DRD2: variants seen among roughly 807,000 people sequenced by gnomAD.
DRD2 encodes the protein D(2) dopamine receptor.
DRD2 carries 8 observed loss-of-function variants against 38.0 expected under a neutral mutation model. The observed-to-expected ratio is 0.21, with a 90% CI of 0.12 to 0.38. The LOEUF (loss-of-function observed/expected upper bound fraction) is 0.38, where lower values mean the gene tolerates loss of function less well. Among genes scored for constraint, DRD2 ranks in the 10% least tolerant of loss-of-function variants. The pLI is 1.00. For missense variants in DRD2, 403 were observed against 607.7 expected (o/e 0.66, Z 3.54); for synonymous variants, 230 against 238.6 (o/e 0.96, Z 0.33).
chr11:113,453,442 T>C (rs1455240984), intron 1 of DRD2, among the ~76,000 whole-genome samples: 1 of 152,224 alleles, frequency 6.6e-6, no homozygotes, highest in Non-Finnish European at 1.5e-5. Flanking sequence ...TGAGAAAGCT[T>C]TGAAGTAGTA....
intron 1 of DRD2, among the ~76,000 whole-genome samples, chr11:113,450,489 G>T (rs55697087): frequency 6.6e-6 from 1 of 151,952 alleles, no homozygotes; most frequent in Non-Finnish European, 1.5e-5. Context: ...TGCCTCAAAG[G>T]CTCCTCTCCC....
chr11:113,415,966 C>G (rs1461440614), intron 4 of DRD2, among the ~76,000 whole-genome samples: 1 of 152,130 alleles, frequency 6.6e-6, no homozygotes, highest in Non-Finnish European at 1.5e-5. Flanking sequence ...AAGAGTAAAC[C>G]ATCTTTTTAG....
Position 113,410,589 on chromosome 11 carries a change from A to G in DRD2, c.*138T>C. 1 of 1,095,870 alleles carries G rather than the reference A, an allele frequency of 9.1e-7. No homozygotes were observed. Among genetic ancestry groups the G allele is most frequent in the Non-Finnish European group, 1.4e-6 (1 of 720,716 alleles). The allele number at this position is 1,095,870 out of a possible 1,614,324, so 67.9% of individuals were successfully genotyped here. A position where few individuals can be genotyped will look rare whatever the true frequency, so the allele number is the denominator to read the frequency against. On this transcript the variant is annotated 3_prime_UTR_variant, in exon 8 of 8. Coordinates refer to ENST00000362072, the MANE Select transcript of DRD2 (RefSeq NM_000795.4). The stretch of plus-strand genomic sequence containing the variant: ...GCGGGCAGTGAGGAGCATGGAGCCA[A>G]GCGAACACTGCAGGGCCTGCCGGGG...
chr11:113,418,040 T>C lies in DRD2; in HGVS notation c.382A>G (p.Ile128Val), dbSNP rs372879445. ...CTASILNLCAISIDRYTAVAM... is the reference protein window; with the variant it reads ...CTASILNLCAVSIDRYTAVAM... Reference sequence around the variant, plus strand: ...GGCTGGGCTCACCTGTCGATGCTGATGGCACACAAGTTCAGGATGCTCGCC... The same window carrying C: ...GGCTGGGCTCACCTGTCGATGCTGACGGCACACAAGTTCAGGATGCTCGCC... Residue 128 changes from isoleucine to valine, a missense_variant, in exon 3 of 8, where the codon ATC becomes GTC. Around this residue, in one of 4 missense-constraint regions of DRD2, gnomAD observed 162 missense variants for 254.5 expected, o/e 0.64. Coordinates refer to ENST00000362072, the MANE Select transcript of DRD2 (RefSeq NM_000795.4). 4 of 1,614,088 alleles carry C rather than the reference T, an allele frequency of 2.5e-6. No homozygotes were observed. In the African/African-American group the frequency reaches 5.3e-5, roughly 22 times the overall value.
intron 1 of DRD2, among the ~76,000 whole-genome samples, chr11:113,450,724 A>C (rs1314232768): frequency 6.6e-6 from 1 of 152,228 alleles, no homozygotes; most frequent in African/African-American, 2.4e-5. Flanking sequence ...GCCCCTGATT[A>C]ATTCCCAGAT....
chr11:113,468,267 A>G (rs1951388806), intron 1 of DRD2, among the ~76,000 whole-genome samples: 1 of 152,210 alleles, frequency 6.6e-6, no homozygotes, highest in South Asian at 2.1e-4. Flanking sequence ...CTGGAAGTCT[A>G]ATTCCAGAGC....
At chr11:113,449,686 G>A (rs1951191276) in intron 1 of DRD2, among the ~76,000 whole-genome samples, 2 of 152,232 alleles carry the variant, frequency 1.3e-5, no homozygotes, top group South Asian at 2.1e-4. Flanking sequence ...AGGACTGTTA[G>A]CCAGTTAAGC....
rs563798208 is a variant in DRD2 at position 113,413,266 on chromosome 11, T to C, written c.811-383A>G. On this transcript the variant is annotated intron_variant, in intron 6 of 7. Transcript: ENST00000362072. ...TGCCTCCAGAAACTCATGTTCCGAC[T>C]GCAAAGAGGGTGCCCACCCCTGTTC... is the stretch of plus-strand genomic sequence containing the variant. 4.9e-4 allele frequency: 279 copies of C among 574,802 alleles called. 5 individuals are homozygous for C. Among genetic ancestry groups the C allele is most frequent in the South Asian group, 3.7e-3 (264 of 71,848 alleles). The allele number at this position is 574,802 out of a possible 1,614,324, so 35.6% of individuals were successfully genotyped here. A position where few individuals can be genotyped will look rare whatever the true frequency, so the allele number is the denominator to read the frequency against.
At chr11:113,420,091 C>A (rs112658652) in intron 2 of DRD2, among the ~76,000 whole-genome samples, 146 of 152,280 alleles carry the variant, frequency 9.6e-4, no homozygotes, top group African/African-American at 3.2e-3. Flanking sequence ...GGCAGAAAAC[C>A]AGCACTACCT....
intron 1 of DRD2, among the ~76,000 whole-genome samples, chr11:113,432,610 T>C (rs967956663): frequency 3.3e-5 from 5 of 152,124 alleles, no homozygotes; most frequent in Non-Finnish European, 7.4e-5. Context: ...AGCATTTCAA[T>C]GAAAAAGTAG....
intron 2 of DRD2, among the ~76,000 whole-genome samples, chr11:113,422,260 CATCTTT>C (rs1263327674): frequency 6.6e-6 from 1 of 152,258 alleles, no homozygotes; most frequent in Non-Finnish European, 1.5e-5. Flanking sequence ...TTGTCATCTT[CATCTTT>C]ATCATCATCG....
At chr11:113,442,213 T>C (rs1951101933) in intron 1 of DRD2, among the ~76,000 whole-genome samples, 1 of 152,230 alleles carries the variant, frequency 6.6e-6, no homozygotes, top group Non-Finnish European at 1.5e-5. Context: ...CCAGTCATTA[T>C]GTCCAGTTCC....
intron 1 of DRD2, among the ~76,000 whole-genome samples, chr11:113,438,333 G>A (rs1296631126): frequency 6.6e-6 from 1 of 152,114 alleles, no homozygotes; most frequent in Non-Finnish European, 1.5e-5. Context: ...CTCCTCATGG[G>A]AGTGGTTGCA....
intron 1 of DRD2, among the ~76,000 whole-genome samples, chr11:113,462,878 G>C (rs1189738227): frequency 1.3e-5 from 2 of 152,194 alleles, no homozygotes; most frequent in African/African-American, 2.4e-5. Context: ...GCATGTGCTA[G>C]ATGGAACACC....
chr11:113,432,905 T>C (rs1393236233), intron 1 of DRD2, among the ~76,000 whole-genome samples: 1 of 152,226 alleles, frequency 6.6e-6, no homozygotes, highest in Non-Finnish European at 1.5e-5. Context: ...AGAGAGTTAC[T>C]GAATAACACT....
chr11:113,460,327 GCAGGA>G (rs1412389829), intron 1 of DRD2, among the ~76,000 whole-genome samples: 1 of 152,234 alleles, frequency 6.6e-6, no homozygotes, highest in Non-Finnish European at 1.5e-5. Context: ...CAGGGACTGG[GCAGGA>G]CAGGGAGGGA....
At chr11:113,443,158 C>T (rs1355037857) in intron 1 of DRD2, among the ~76,000 whole-genome samples, 1 of 152,188 alleles carries the variant, frequency 6.6e-6, no homozygotes, top group Non-Finnish European at 1.5e-5. Context: ...GATGATGAGG[C>T]TCAGTGGTCT....
Position 113,463,062 on chromosome 11 carries a change from G to A in DRD2, c.-32+12014C>T, listed in dbSNP as rs35145680. Among the ~76,000 whole-genome samples, 761 of 152,308 alleles carry A rather than the reference G, an allele frequency of 5.0e-3. 4 individuals are homozygous for A. The highest frequency in any genetic ancestry group is 8.5e-3 in the Non-Finnish European group (577 of 68,030). On this transcript the variant is annotated intron_variant, in intron 1 of 7. Transcript: ENST00000362072. The stretch of plus-strand genomic sequence containing the variant: ...CGCTGAGCACTGACTTGCCTAATCT[G>A]CTTCCCTGTGAGAAAACGGGAATGT...
chr11:113,463,332 C>T (rs1951339961), intron 1 of DRD2, among the ~76,000 whole-genome samples: 1 of 152,126 alleles, frequency 6.6e-6, no homozygotes, highest in African/African-American at 2.4e-5. Flanking sequence ...TGGTGCACAC[C>T]ATCTGTGGCC....
Sources: allele counts gnomAD v4.1 joint callset (sites outside exome capture counted in the v4.1 genomes callset), GRCh38; gene constraint gnomAD v4.1.1; regional missense constraint gnomAD v4.1.1; transcripts MANE v1.5; gene names NCBI Gene and HGNC (gene_info 2026-07-23, HGNC 2026-07-21).